AFF3: variants seen among roughly 807,000 people sequenced by gnomAD.
AFF3 encodes AF4/FMR2 family member 3.
AFF3 carries 32 observed loss-of-function variants against 129.7 expected under a neutral mutation model. The observed-to-expected ratio is 0.25, with a 90% CI of 0.19 to 0.33. The LOEUF (loss-of-function observed/expected upper bound fraction) is 0.33, where lower values mean the gene tolerates loss of function less well. Ranked by LOEUF, AFF3 falls within the 10% of genes least tolerant of loss-of-function variation. The pLI, the probability that AFF3 is intolerant of heterozygous loss-of-function variation, is 1.00. For missense variants in AFF3, 1,373 were observed against 1,592.0 expected (o/e 0.86, Z 2.34); for synonymous variants, 644 against 635.4 (o/e 1.01, Z -0.20).
chr2:99,725,821 A>C lies in AFF3; in HGVS notation c.1091+1256T>G, dbSNP rs543511395. Among the ~76,000 whole-genome samples, 13 of 152,314 alleles carry C rather than the reference A, an allele frequency of 8.5e-5. No homozygotes were observed. The South Asian group carries it at 2.5e-3, about 29-fold the overall frequency. ...AAATAATTTCATTATTGAGAATTTGAAAAAATTGTTTCTACAATTAAAACT... is the reference window on the plus strand; with the variant it reads ...AAATAATTTCATTATTGAGAATTTGCAAAAATTGTTTCTACAATTAAAACT... On this transcript the variant is annotated intron_variant, in intron 11 of 24. Transcript: ENST00000672756.
At chr2:100,089,038 C>A (rs1689665958) in intron 4 of AFF3, among the ~76,000 whole-genome samples, 2 of 152,196 alleles carry the variant, frequency 1.3e-5, no homozygotes, top group Admixed American at 1.3e-4. Flanking sequence ...TATTTTTCTG[C>A]AGGCCTGAAT....
chr2:99,752,359 G>A lies in AFF3; in HGVS notation c.922-58C>T, dbSNP rs576830208. 33 of 1,455,486 alleles carry A rather than the reference G, an allele frequency of 2.3e-5. No homozygotes were observed. In the African/African-American group the frequency reaches 2.8e-4, roughly 12 times the overall value. The allele number at this position is 1,455,486 out of a possible 1,614,324, so 90.2% of individuals were successfully genotyped here. A position where few individuals can be genotyped will look rare whatever the true frequency, so the allele number is the denominator to read the frequency against. ...GATACAGACAGTATTTAAAATCAGC[G>A]GTATGTAAAGCAGCTGTACAAGTGG... On this transcript the variant is annotated intron_variant, in intron 8 of 24. Transcript: ENST00000672756.
At chr2:100,007,110 A>G in intron 6 of AFF3, 38 bp downstream of exon 6, 1 of 1,602,254 alleles carries the variant, frequency 6.2e-7, no homozygotes, top group South Asian at 1.1e-5. Context: ...GGGTTTTAGC[A>G]GATTTGTGCA....
chr2:100,106,271 A>G, intron 2 of AFF3: 1 of 1,176,900 alleles, frequency 8.5e-7, no homozygotes, highest in East Asian at 5.9e-5. Context: ...TGAAATTGTT[A>G]TTTTACAAGC....
chr2:100,037,684 A>G (rs1379664357), intron 4 of AFF3, among the ~76,000 whole-genome samples: 3 of 119,044 alleles, frequency 2.5e-5, no homozygotes, highest in South Asian at 2.3e-4. Context: ...ATATAAATAT[A>G]TATTTATATT....
At chr2:99,854,242 T>G (rs968195936) in intron 7 of AFF3, among the ~76,000 whole-genome samples, 3 of 143,230 alleles carry the variant, frequency 2.1e-5, no homozygotes, top group Non-Finnish European at 4.5e-5. Context: ...TAACACTATC[T>G]ATAGCAAAAA....
intron 8 of AFF3, among the ~76,000 whole-genome samples, chr2:99,805,271 C>A (rs1218589692): frequency 6.6e-6 from 1 of 152,092 alleles, no homozygotes; most frequent in Non-Finnish European, 1.5e-5. Context: ...TGACTATATA[C>A]CTGCTTGATA....
rs561535139 is a variant in AFF3 at position 99,858,148 on chromosome 2, A to T, written c.874-20624T>A. Among the ~76,000 whole-genome samples the T allele has an allele frequency of 7.2e-5, 11 of 152,296 alleles. No homozygotes were observed. In the South Asian group the frequency reaches 2.1e-3, roughly 29 times the overall value. ...CCAGGTAGCATATGGTTGAAGGAGG[A>T]CTGACTTGCAGATCAGATCTGAATT... On this transcript the variant is annotated intron_variant, in intron 7 of 24. Transcript: ENST00000672756.
intron 7 of AFF3, among the ~76,000 whole-genome samples, chr2:99,924,398 C>T (rs1314746221): frequency 6.6e-6 from 1 of 152,196 alleles, no homozygotes; most frequent in Non-Finnish European, 1.5e-5. Context: ...ATGAACCCTG[C>T]TACCCATATT....
intron 4 of AFF3, among the ~76,000 whole-genome samples, chr2:100,029,127 T>A (rs1454981876): frequency 2.0e-5 from 3 of 152,214 alleles, no homozygotes; most frequent in African/African-American, 7.2e-5. Context: ...TGTGACAGGC[T>A]GAACTATGTC....
chr2:99,960,030 A>T (rs1380149318), intron 7 of AFF3, among the ~76,000 whole-genome samples: 1 of 152,212 alleles, frequency 6.6e-6, no homozygotes, highest in Admixed American at 6.5e-5. Context: ...ACTGGCACAG[A>T]GTGTGTTGAT....
chr2:99,855,303 T>A lies in AFF3; in HGVS notation c.874-17779A>T, dbSNP rs574979615. ...GAATTGTACATTTTGAATTAGCAAA[T>A]GGTATGATGTGTGAGTTATGTCTTA... On this transcript the variant is annotated intron_variant, in intron 7 of 24. Transcript: ENST00000672756. Among the ~76,000 whole-genome samples the A allele has an allele frequency of 5.3e-5, 8 of 152,258 alleles. No homozygotes were observed. The East Asian group carries it at 1.5e-3, about 29-fold the overall frequency.
intron 7 of AFF3, among the ~76,000 whole-genome samples, chr2:99,973,210 G>A (rs1678564749): frequency 6.6e-6 from 1 of 152,130 alleles, no homozygotes; most frequent in African/African-American, 2.4e-5. Flanking sequence ...CTGTTCTCTA[G>A]ACGCACTTAC....
At chr2:99,692,629 G>T (rs756347878) in intron 11 of AFF3, among the ~76,000 whole-genome samples, 5 of 152,146 alleles carry the variant, frequency 3.3e-5, no homozygotes, top group Non-Finnish European at 5.9e-5. Flanking sequence ...ACTTTTGAGA[G>T]TCCATCCCAA....
At chr2:99,841,305 C>T (rs1015891737) in intron 7 of AFF3, among the ~76,000 whole-genome samples, 52 of 152,336 alleles carry the variant, frequency 3.4e-4, no homozygotes, top group African/African-American at 1.3e-3. Context: ...AGATACTTCT[C>T]TCATCACTGG....
At chr2:99,574,468 T>C (rs1040730521) in intron 18 of AFF3, among the ~76,000 whole-genome samples, 3 of 152,144 alleles carry the variant, frequency 2.0e-5, no homozygotes, top group African/African-American at 7.2e-5. Flanking sequence ...TTTTGGTAAG[T>C]AACCTAGGAA....
intron 7 of AFF3, among the ~76,000 whole-genome samples, chr2:99,969,528 G>T (rs920441802): frequency 5.3e-5 from 8 of 150,672 alleles, no homozygotes; most frequent in African/African-American, 2.0e-4. Context: ...CACTCTTGTT[G>T]CCCAGGCTGG....
intron 11 of AFF3, among the ~76,000 whole-genome samples, chr2:99,716,770 A>C (rs977412362): frequency 6.6e-6 from 1 of 151,798 alleles, no homozygotes; most frequent in African/African-American, 2.4e-5. Context: ...AATCGCAGCT[A>C]CTTTGGGGGG....
chr2:99,997,748 T>C (rs916686594), intron 7 of AFF3, among the ~76,000 whole-genome samples: 1 of 152,140 alleles, frequency 6.6e-6, no homozygotes, highest in African/African-American at 2.4e-5. Context: ...CTTGTTGCTA[T>C]CCCAGGCGAG....
Sources: allele counts gnomAD v4.1 joint callset (sites outside exome capture counted in the v4.1 genomes callset), GRCh38; gene constraint gnomAD v4.1.1; transcripts MANE v1.5; gene names NCBI Gene and HGNC (gene_info 2026-07-23, HGNC 2026-07-21).